The following FRMD5 variants were observed in gnomAD, a reference collection of about 807,000 sequenced individuals.
FRMD5 encodes the protein FERM domain-containing protein 5.
Under a neutral mutation model 69.0 loss-of-function variants are expected in FRMD5, and 20 were observed. The observed-to-expected ratio is 0.29, with a 90% confidence interval of 0.20 to 0.42. The LOEUF (loss-of-function observed/expected upper bound fraction) is 0.42, where lower values mean the gene tolerates loss of function less well. FRMD5 is among the 10% of genes least tolerant of loss of function. The pLI is 1.00. For synonymous variants in FRMD5, 271 were observed against 260.1 expected, an observed-to-expected ratio of 1.04 and a Z score of -0.40; for missense variants, 595 against 708.6, an observed-to-expected ratio of 0.84 and a Z score of 1.82.
chr15:44,056,371 C>CA (rs1258887207), intron 1 of FRMD5, among the ~76,000 whole-genome samples: 31 of 152,240 alleles, frequency 2.0e-4, no homozygotes, highest in Admixed American at 2.0e-3. Flanking sequence ...ATAGCCAGAG[C>CA]AGCAGAAATC....
chr15:44,190,017 C>A (rs2078167835), intron 1 of FRMD5, among the ~76,000 whole-genome samples: 1 of 152,138 alleles, frequency 6.6e-6, no homozygotes, highest in South Asian at 2.1e-4. Context: ...AAAGTCAAGA[C>A]CAGAAAACAG....
intron 1 of FRMD5, among the ~76,000 whole-genome samples, chr15:44,001,205 C>A (rs188846568): frequency 6.6e-6 from 1 of 152,182 alleles, no homozygotes; most frequent in East Asian, 1.9e-4. Flanking sequence ...TTATATCTTC[C>A]TTGGAGAAAT....
At chr15:43,875,938 T>G in intron 13 of FRMD5, 2 of 1,250,148 alleles carry the variant, frequency 1.6e-6, no homozygotes. Flanking sequence ...ATCACACTTA[T>G]AGGCAAGGCA....
chr15:43,953,331 T>C (rs1411946900), intron 1 of FRMD5, among the ~76,000 whole-genome samples: 1 of 152,232 alleles, frequency 6.6e-6, no homozygotes, highest in African/African-American at 2.4e-5. Context: ...GGCTGCTTTC[T>C]GGGATTTTCT....
intron 1 of FRMD5, among the ~76,000 whole-genome samples, chr15:43,986,110 C>T (rs995690379): frequency 6.6e-6 from 1 of 152,210 alleles, no homozygotes; most frequent in Non-Finnish European, 1.5e-5. Flanking sequence ...TGATTGCTAG[C>T]TCTTCAGTTC....
intron 1 of FRMD5, among the ~76,000 whole-genome samples, chr15:43,963,407 A>G (rs2090237496): frequency 6.6e-6 from 1 of 152,316 alleles, no homozygotes; most frequent in Admixed American, 6.5e-5. Flanking sequence ...TCAGGAAACA[A>G]CAGGTGCTGG....
chr15:43,978,788 G>A (rs1440903981), intron 1 of FRMD5, among the ~76,000 whole-genome samples: 4 of 152,064 alleles, frequency 2.6e-5, no homozygotes, highest in Admixed American at 2.0e-4. Flanking sequence ...CTGACCTCAG[G>A]TGATCCACCC....
At chr15:43,875,213 C>T (rs1194221248) in intron 13 of FRMD5, among the ~76,000 whole-genome samples, 1 of 151,606 alleles carries the variant, frequency 6.6e-6, no homozygotes, top group East Asian at 1.9e-4. Flanking sequence ...AGGAGGAAGC[C>T]AGGTGTGGTA....
intron 1 of FRMD5, among the ~76,000 whole-genome samples, chr15:44,164,043 G>A (rs1417190533): frequency 1.3e-5 from 2 of 152,042 alleles, no homozygotes; most frequent in Non-Finnish European, 1.5e-5. Context: ...CTTAACCTCC[G>A]CACCAGTTCC....
chr15:43,873,468 G>A lies in FRMD5; in HGVS notation c.*417C>T, dbSNP rs2088220202. 1.4e-6 allele frequency: 2 copies of A among 1,425,962 alleles called. No homozygotes were observed. The highest frequency in any genetic ancestry group is 3.0e-5 in the Admixed American group (1 of 33,266). 88.3% of individuals were successfully genotyped at this position (1,425,962 alleles called of 1,614,324 possible). ...GGAAAAGCTCCTGCAGAATACAGAG[G>A]ACAGCAGCTCTCTAGTTTTCAACTA... On this transcript the variant is annotated 3_prime_UTR_variant, in exon 14 of 14. Coordinates refer to ENST00000417257, the MANE Select transcript of FRMD5 (RefSeq NM_032892.5).
chr15:43,874,221 C>T lies in FRMD5; in HGVS notation c.1377G>A (p.Glu459=), dbSNP rs2088254517. Reference sequence around the variant, plus strand: ...TTGGGGTGCTGGCTTCAGATTCCTTCTCCTCCTCAATGCTGCAGGTGGCTC... The same window carrying T: ...TTGGGGTGCTGGCTTCAGATTCCTTTTCCTCCTCAATGCTGCAGGTGGCTC... ...INGATCSIEE[E]KESEASTPTA... is the part of the protein sequence containing the mutation. The change falls in exon 14 of 14, where the codon GAG becomes GAA. Residue 459 remains glutamate (E), a synonymous_variant. Coordinates refer to ENST00000417257, the MANE Select transcript of FRMD5 (RefSeq NM_032892.5). The T allele has an allele frequency of 6.2e-7, 1 of 1,614,164 alleles. No homozygotes were observed. Among genetic ancestry groups the T allele is most frequent in the Non-Finnish European group, 8.5e-7 (1 of 1,180,014 alleles).
At chr15:43,887,975 A>G (rs2088702934) in intron 10 of FRMD5, among the ~76,000 whole-genome samples, 200 bp downstream of exon 10, 1 of 152,206 alleles carries the variant, frequency 6.6e-6, no homozygotes, top group South Asian at 2.1e-4. Context: ...AAACAACACA[A>G]AAGCCCCACA....
intron 1 of FRMD5, among the ~76,000 whole-genome samples, chr15:44,154,327 A>G (rs545967797): frequency 6.6e-6 from 1 of 152,262 alleles, no homozygotes; most frequent in Non-Finnish European, 1.5e-5. Context: ...TACAAAAACA[A>G]AAACAAACAA....
chr15:44,170,975 C>T (rs143241835), intron 1 of FRMD5, among the ~76,000 whole-genome samples: 19 of 152,198 alleles, frequency 1.2e-4, no homozygotes, highest in African/African-American at 4.1e-4. Context: ...ATTGCTCTAT[C>T]TCATAAAGCT....
chr15:44,093,574 C>CTT (rs1028573519), intron 1 of FRMD5, among the ~76,000 whole-genome samples: 7 of 141,840 alleles, frequency 4.9e-5, no homozygotes, highest in South Asian at 2.2e-4. Context: ...ACCATGCTAT[C>CTT]TTTTTTTTTT....
intron 1 of FRMD5, among the ~76,000 whole-genome samples, chr15:44,165,822 C>A (rs929189493): frequency 6.6e-6 from 1 of 152,028 alleles, no homozygotes; most frequent in Non-Finnish European, 1.5e-5. Flanking sequence ...CAGAGTGAGA[C>A]CCTGCCTCAA....
At chr15:44,181,738 C>T (rs1474914707) in intron 1 of FRMD5, among the ~76,000 whole-genome samples, 114 of 151,918 alleles carry the variant, frequency 7.5e-4, no homozygotes, top group Non-Finnish European at 2.2e-4. Flanking sequence ...TCTGTCTCTA[C>T]AAAAGAAAAT....
chr15:44,166,193 CAT>C (rs1171796448), intron 1 of FRMD5, among the ~76,000 whole-genome samples: 9 of 152,214 alleles, frequency 5.9e-5, no homozygotes, highest in East Asian at 5.8e-4. Context: ...ACATTTTTCA[CAT>C]GTTTATTAGC....
chr15:44,062,360 C>G (rs187565762), intron 1 of FRMD5, among the ~76,000 whole-genome samples: 2 of 152,204 alleles, frequency 1.3e-5, no homozygotes, highest in African/African-American at 4.8e-5. Flanking sequence ...CTAGAAGACA[C>G]GGTCTTTCTG....
Sources: gnomAD v4.1 joint callset for allele counts (sites outside exome capture counted in the v4.1 genomes callset) on GRCh38, gnomAD v4.1.1 for gene constraint, MANE v1.5 for transcripts, NCBI Gene and HGNC (gene_info 2026-07-23, HGNC 2026-07-21) for gene names.